TRIM36: variants seen among roughly 807,000 people sequenced by gnomAD.
The protein encoded by TRIM36 is E3 ubiquitin-protein ligase TRIM36.
Under a neutral mutation model 72.4 loss-of-function variants are expected in TRIM36, and 42 were observed. The ratio of observed to expected loss-of-function variants is 0.58; its 90% CI spans 0.45 to 0.75. The LOEUF is 0.75. Among genes scored for constraint, TRIM36 ranks in the 30% least tolerant of loss-of-function variants. The probability of loss-of-function intolerance (pLI) is 0.00; values close to 1 mark genes in which losing one functional copy is unlikely to be tolerated. For missense variants in TRIM36, 913 were observed against 857.1 expected, an observed-to-expected ratio of 1.07 and a Z score of -0.81; for synonymous variants, 315 against 282.8, an observed-to-expected ratio of 1.11 and a Z score of -1.14.
chr5:115,130,758 A>T lies in TRIM36; in HGVS notation c.1630T>A (p.Tyr544Asn). 6.2e-7 allele frequency: 1 copy of T among 1,614,190 alleles called. No homozygotes were observed. Among genetic ancestry groups the T allele is most frequent in the Non-Finnish European group, 8.5e-7 (1 of 1,180,034 alleles). The stretch of plus-strand genomic sequence containing the variant: ...ATGATGTAGTCTAAGCTTGTGTAAT[A>T]ACCCACTTGGATGCGTTCTGCAGCA... ...LLAAERIQVGYYTSLDYIIGD... is the reference protein window; with the variant it reads ...LLAAERIQVGNYTSLDYIIGD... Residue 544 changes from tyrosine (Y) to asparagine (N), a missense_variant, in exon 9 of 10, where the codon TAT (tyrosine) becomes AAT (asparagine). By Grantham distance (143) the Tyr-to-Asn change is moderately radical. Coordinates refer to ENST00000513154, the MANE Select transcript of TRIM36 (RefSeq NM_001300759.2).
At chr5:115,163,340 G>C (rs940229526) in intron 2 of TRIM36, among the ~76,000 whole-genome samples, 178 bp downstream of exon 2, 1 of 152,166 alleles carries the variant, frequency 6.6e-6, no homozygotes, top group African/African-American at 2.4e-5. Flanking sequence ...CAAAAGACGA[G>C]AGTTCATTTT....
chr5:115,150,257 C>T (rs572826335), intron 2 of TRIM36, among the ~76,000 whole-genome samples: 1 of 152,314 alleles, frequency 6.6e-6, no homozygotes, highest in Admixed American at 6.5e-5. Flanking sequence ...GAAGAGTCAA[C>T]TTTCTACTTT....
upstream of TRIM36, chr5:115,180,237 C>A: frequency 1.9e-6 from 1 of 512,910 alleles, no homozygotes; most frequent in Non-Finnish European, 3.4e-6. Context: ...CCCGGGCAGC[C>A]TCGCCCGGCT....
intron 1 of TRIM36, chr5:115,177,980 T>A: frequency 8.6e-7 from 1 of 1,159,682 alleles, no homozygotes; most frequent in Non-Finnish European, 1.2e-6. Flanking sequence ...GATGAACCCA[T>A]TGGTATTCTG....
chr5:115,168,196 G>A (rs1754897806), intron 1 of TRIM36, among the ~76,000 whole-genome samples: 1 of 152,100 alleles, frequency 6.6e-6, no homozygotes, highest in Admixed American at 6.5e-5. Context: ...AAGAATGTAG[G>A]GGACCCTTTA....
chr5:115,138,672 CTG>C (rs1753104326), intron 5 of TRIM36, among the ~76,000 whole-genome samples: 1 of 152,154 alleles, frequency 6.6e-6, no homozygotes, highest in Admixed American at 6.5e-5. Context: ...TTCATACAAA[CTG>C]TCATAAAATG....
intron 2 of TRIM36, among the ~76,000 whole-genome samples, chr5:115,158,794 C>T (rs1201515075): frequency 1.3e-5 from 2 of 152,194 alleles, no homozygotes; most frequent in African/African-American, 4.8e-5. Flanking sequence ...CCTATCTTTC[C>T]TTCTAATTAC....
At position 115,124,921 on chromosome 5, in the gene TRIM36, TGTGACTTTA is replaced by T. The variant is rs1272931883; in HGVS notation, c.*1573_*1581del. The T allele has an allele frequency of 1.3e-5, 2 of 152,540 alleles. No individual in the cohort carries two copies. Among genetic ancestry groups the T allele is most frequent in the Non-Finnish European group, 2.9e-5 (2 of 67,946 alleles). The allele number at this position is 152,540 out of a possible 1,614,324, so 9.4% of individuals were successfully genotyped here. On this transcript the variant is annotated 3_prime_UTR_variant, in exon 10 of 10. Transcript: ENST00000513154. Reference sequence around the variant, plus strand: ...ACAAGGCTTGAGTATCAACCACAAATGTGACTTTAGCAGCTTTATTGCATAATGATCCAC... The same window carrying T: ...ACAAGGCTTGAGTATCAACCACAAATGCAGCTTTATTGCATAATGATCCAC...
chr5:115,128,424 T>C (rs1416962708), intron 9 of TRIM36, among the ~76,000 whole-genome samples: 2 of 151,354 alleles, frequency 1.3e-5, no homozygotes, highest in East Asian at 3.9e-4. Flanking sequence ...TTAAGCTAAG[T>C]GTTCCTACAA....
At chr5:115,146,212 G>T (rs1753584667) in intron 3 of TRIM36, among the ~76,000 whole-genome samples, 1 of 152,188 alleles carries the variant, frequency 6.6e-6, no homozygotes, top group Non-Finnish European at 1.5e-5. Context: ...AAATGTGATA[G>T]CACAGATTGT....
chr5:115,132,856 A>C (rs181662786), intron 8 of TRIM36, among the ~76,000 whole-genome samples: 71 of 152,352 alleles, frequency 4.7e-4, no homozygotes, highest in Non-Finnish European at 4.3e-4. Flanking sequence ...AGGAAGCAGA[A>C]ATAGCATAAA....
intron 1 of TRIM36, among the ~76,000 whole-genome samples, chr5:115,179,316 TC>T (rs1229772503): frequency 2.0e-5 from 3 of 152,126 alleles, no homozygotes; most frequent in Non-Finnish European, 4.4e-5. Context: ...CAGCCTGCGT[TC>T]CTAAAGGCTC....
chr5:115,161,710 C>T (rs1754490292), intron 2 of TRIM36, among the ~76,000 whole-genome samples: 1 of 152,204 alleles, frequency 6.6e-6, no homozygotes, highest in South Asian at 2.1e-4. Context: ...AGTCCCAAAC[C>T]ACACTCTACT....
At chr5:115,155,336 C>T (rs1040362238) in intron 2 of TRIM36, among the ~76,000 whole-genome samples, 2 of 152,184 alleles carry the variant, frequency 1.3e-5, no homozygotes, top group East Asian at 1.9e-4. Context: ...CAACAAAGAG[C>T]GAAACTCCGT....
In TRIM36 at chr5:115,169,584, G is replaced by A. The variant is rs1030749550; in HGVS notation, c.27+24C>T. The A allele has an allele frequency of 6.0e-6, 9 of 1,506,726 alleles. No homozygotes were observed. The Admixed American group carries it at 1.0e-4, about 18-fold the overall frequency. 93.3% of individuals were successfully genotyped at this position (1,506,726 alleles called of 1,614,324 possible). On this transcript the variant is annotated intron_variant, in intron 1 of 9. Coordinates refer to ENST00000513154, the MANE Select transcript of TRIM36 (RefSeq NM_001300759.2). ...GTCGGCACACCGCCCTCGAGGTGGGGGCGGCGGTCCCCTCCGCACTCACCG... is the reference window on the plus strand; with the variant it reads ...GTCGGCACACCGCCCTCGAGGTGGGAGCGGCGGTCCCCTCCGCACTCACCG...
intron 9 of TRIM36, 54 bp from the exon 10 acceptor site, chr5:115,126,911 A>C (rs1580629647): frequency 1.3e-6 from 2 of 1,506,018 alleles, no homozygotes; most frequent in Non-Finnish European, 1.8e-6. Flanking sequence ...AAGTATCTTC[A>C]AAACATTTTC....
At chr5:115,152,568 C>G (rs1033840912) in intron 2 of TRIM36, among the ~76,000 whole-genome samples, 1 of 152,144 alleles carries the variant, frequency 6.6e-6, no homozygotes, top group Non-Finnish European at 1.5e-5. Flanking sequence ...GGAACACTGT[C>G]GTCAGGTTAC....
intron 7 of TRIM36, among the ~76,000 whole-genome samples, chr5:115,136,266 T>C (rs1280959185): frequency 7.1e-6 from 1 of 140,632 alleles, no homozygotes; most frequent in African/African-American, 2.7e-5. Context: ...ATGACTGGTG[T>C]CCTTATAAAA....
At chr5:115,149,902 G>A (rs1018987058) in intron 2 of TRIM36, among the ~76,000 whole-genome samples, 2 of 151,976 alleles carry the variant, frequency 1.3e-5, no homozygotes, top group Non-Finnish European at 2.9e-5. Context: ...GGGACTACAG[G>A]TGCCTGCCAC....
Sources: gnomAD v4.1 joint callset for allele counts (sites outside exome capture counted in the v4.1 genomes callset) on GRCh38, gnomAD v4.1.1 for gene constraint, MANE v1.5 for transcripts, NCBI Gene and HGNC (gene_info 2026-07-23, HGNC 2026-07-21) for gene names.